LMF2: variants seen among roughly 807,000 people sequenced by gnomAD.
LMF2 encodes lipase maturation factor 2, also known as transmembrane protein 112B.
Under a neutral mutation model 81.5 loss-of-function variants are expected in LMF2, and 113 were observed. That is an observed-to-expected ratio of 1.39 (90% CI 1.19 to 1.62). The LOEUF (loss-of-function observed/expected upper bound fraction) is 1.62. Ranked by LOEUF, LMF2 falls within the 40% of genes most tolerant of loss-of-function variation. LMF2 has a pLI of 0.00. For missense variants in LMF2, 1,235 were observed against 929.1 expected, an observed-to-expected ratio of 1.33 and a Z score of -4.28; for synonymous variants, 645 against 424.5, an observed-to-expected ratio of 1.52 and a Z score of -6.39.
Position 50,504,576 on chromosome 22 carries a change from A to G in LMF2, c.1589T>C (p.Leu530Pro). ...CTCCGCACCTGGCTCCTTGCCCTGC[A>G]GCAGGCGCAAGACCAGGCTTGTGAA... ...PWFTSLVLRL[L>P]QGKEPVIRLV... Residue 530 changes from leucine to proline, a missense_variant, in exon 11 of 14, where the codon CTG (leucine) becomes CCG (proline). Leu to Pro is a moderately conservative substitution (Grantham distance 98). Transcript: ENST00000474879. 1 of 1,576,090 alleles carries G rather than the reference A, an allele frequency of 6.3e-7. No homozygotes were observed. The highest frequency in any genetic ancestry group is 8.6e-7 in the Non-Finnish European group (1 of 1,164,314).
At chr22:50,506,693 C>A (rs374366490) in intron 2 of LMF2, 27 bp from the exon 3 acceptor site, 2 of 1,613,606 alleles carry the variant, frequency 1.2e-6, no homozygotes, top group Admixed American at 1.7e-5. Context: ...TGTCAGGGAG[C>A]GGGTGTGTCT....
In LMF2 at chr22:50,507,046, G is replaced by C. The variant is rs2068603245; in HGVS notation, c.95-11C>G. ...CGGGGCCATACAGGCCTGTGGGAGG[G>C]CATGTCATGGCCAGGCCCTGGACAG... On this transcript the variant is annotated splice_polypyrimidine_tract_variant and intron_variant, in intron 1 of 13. Coordinates refer to ENST00000474879, the MANE Select transcript of LMF2 (RefSeq NM_033200.3). The C allele has an allele frequency of 6.3e-7, 1 of 1,583,072 alleles. No individual in the cohort carries two copies. Among genetic ancestry groups the C allele is most frequent in the African/African-American group, 1.3e-5 (1 of 74,530 alleles).
rs375867379 is a variant in LMF2 at position 50,505,295 on chromosome 22, A to G, written c.1091T>C (p.Leu364Pro). Residue 364 changes from leucine (L) to proline (P), a missense_variant, in exon 8 of 14, where the codon CTG becomes CCG. Transcript: ENST00000474879. ...ACCCAGCCACACAGTGGGCAGCGTC[A>G]GTGTCTTCAGCCACTGAGAAAACTG... ...FHQFSQWLKT[L>P]TLPTVWLGVA... The G allele has an allele frequency of 4.3e-6, 7 of 1,613,176 alleles. No individual in the cohort carries two copies. The highest frequency in any genetic ancestry group is 1.6e-4 in the Middle Eastern group (1 of 6,082).
At position 50,503,567 on chromosome 22, in the gene LMF2, T is replaced by C; in HGVS notation, c.1948A>G (p.Arg650Gly). The change falls in exon 14 of 14, where the codon AGA (arginine) becomes GGA (glycine). Residue 650 changes from arginine to glycine, a missense_variant. Physicochemically the swap from Arg to Gly is moderately radical, Grantham distance 125. Coordinates refer to ENST00000474879, the MANE Select transcript of LMF2 (RefSeq NM_033200.3). ...GGTGCTAGCAGGGCTTGCACAAATC[T>C]GACAGCCCCCACGGCCATGAGGAGC... ...WGLLMAVGAVRFVQALLAPCS... is the reference protein window; with the variant it reads ...WGLLMAVGAVGFVQALLAPCS... The C allele has an allele frequency of 1.3e-6, 2 of 1,542,024 alleles. No individual in the cohort carries two copies. The highest frequency in any genetic ancestry group is 1.7e-6 in the Non-Finnish European group (2 of 1,147,060).
Position 50,506,462 on chromosome 22 carries a change from C to G in LMF2, c.418G>C (p.Val140Leu), listed in dbSNP as rs1488893360. ...LLETGFLAVLVAPLRPASHRK... is the reference protein window; with the variant it reads ...LLETGFLAVLLAPLRPASHRK... ...TGGGAGGCTGGCCTCAGCGGGGCCACCAGCACGGCCAGGAAGCCAGTCTCT... is the reference window on the plus strand; with the variant it reads ...TGGGAGGCTGGCCTCAGCGGGGCCAGCAGCACGGCCAGGAAGCCAGTCTCT... The change falls in exon 4 of 14, where the codon GTG (valine) becomes CTG (leucine). Residue 140 changes from valine to leucine, a missense_variant. By Grantham distance (32) the Val-to-Leu change is conservative. Coordinates refer to ENST00000474879, the MANE Select transcript of LMF2 (RefSeq NM_033200.3). 1 of 1,550,546 alleles carries G rather than the reference C, an allele frequency of 6.4e-7. No individual in the cohort carries two copies. Among genetic ancestry groups the G allele is most frequent in the Non-Finnish European group, 8.7e-7 (1 of 1,148,966 alleles).
intron 11 of LMF2, 52 bp from the exon 12 acceptor site, chr22:50,504,503 C>CAA: frequency 6.7e-7 from 1 of 1,485,566 alleles, no homozygotes; most frequent in Non-Finnish European, 9.1e-7. Context: ...CTGCCCCTCC[C>CAA]CTCCCCACCC....
rs181738739 is a variant in LMF2, at chr22:50,503,359, C to T, written c.*32G>A. On this transcript the variant is annotated 3_prime_UTR_variant, in exon 14 of 14. Coordinates refer to ENST00000474879, the MANE Select transcript of LMF2 (RefSeq NM_033200.3). ...GGCCAGAGCACTCCCGGCGACCTGG[C>T]CCTCTCAGGACGTGCAGCTGGGAGA... The T allele has an allele frequency of 1.5e-3, 2,486 of 1,607,758 alleles. 33 individuals are homozygous for T. In the African/African-American group the frequency reaches 0.025, roughly 16 times the overall value.
At position 50,503,505 on chromosome 22, in the gene LMF2, G is replaced by A. The variant is rs754249521; in HGVS notation, c.2010C>T (p.Ser670=). The A allele has an allele frequency of 7.0e-5, 110 of 1,580,240 alleles. No homozygotes were observed. Among genetic ancestry groups the A allele is most frequent in the African/African-American group, 1.1e-4 (8 of 72,826 alleles). Reference sequence around the variant, plus strand: ...GGGAGGCTGGCCTGCGCTTCTCCCCGCTGACTGGTGCCAGCGGGGAGGACC... The same window carrying A: ...GGGAGGCTGGCCTGCGCTTCTCCCCACTGACTGGTGCCAGCGGGGAGGACC... The part of the protein sequence containing the change: ...SLRSSPLAPV[S]GEKRRPASQK... The change falls in exon 14 of 14, where the codon AGC becomes AGT. Residue 670 remains serine (S), a synonymous_variant. Coordinates refer to ENST00000474879, the MANE Select transcript of LMF2 (RefSeq NM_033200.3).
At position 50,503,815 on chromosome 22, in the gene LMF2, C is replaced by A; in HGVS notation, c.1808G>T (p.Gly603Val). 6.2e-7 allele frequency: 1 copy of A among 1,605,432 alleles called. No homozygotes were observed. The highest frequency in any genetic ancestry group is 1.3e-5 in the African/African-American group (1 of 74,930). Residue 603 changes from glycine (G) to valine (V), a missense_variant, in exon 13 of 14, where the codon GGA (glycine) becomes GTA (valine). Gly to Val is a moderately radical substitution (Grantham distance 109, BLOSUM62 -3). Coordinates refer to ENST00000474879, the MANE Select transcript of LMF2 (RefSeq NM_033200.3). ...PTLETLLRQF[G>V]LQEKSPPRTR... ...TGGCTGACACCCCCTTACCTGTAGTCCAAACTGCCTGAGCAGCGTCTCCAG... is the reference window on the plus strand; with the variant it reads ...TGGCTGACACCCCCTTACCTGTAGTACAAACTGCCTGAGCAGCGTCTCCAG...
chr22:50,503,438 G>A lies in LMF2; in HGVS notation c.2077C>T (p.Pro693Ser), dbSNP rs1188514469. The A allele has an allele frequency of 3.1e-6, 5 of 1,607,428 alleles. No individual in the cohort carries two copies. In the South Asian group the frequency reaches 3.3e-5, roughly 11 times the overall value. ...CTCGAACTACTGGAGCAGGGGTTGGGGGCTGCGGTGGCCTGTTCGGAGGCA... is the reference window on the plus strand; with the variant it reads ...CTCGAACTACTGGAGCAGGGGTTGGAGGCTGCGGTGGCCTGTTCGGAGGCA... Reference protein sequence around the residue: ...GAASEQATAAPNPCSSSSRTT... With the variant: ...GAASEQATAASNPCSSSSRTT... The change falls in exon 14 of 14, where the codon CCC becomes TCC. Residue 693 changes from proline to serine, a missense_variant. Pro to Ser is a moderately conservative substitution (Grantham distance 74, BLOSUM62 -1). Transcript: ENST00000474879.
At chr22:50,507,374 G>C (rs1436709742) in intron 1 of LMF2, 7 of 616,370 alleles carry the variant, frequency 1.1e-5, no homozygotes, top group Non-Finnish European at 1.2e-5. Context: ...CCCACCCCAG[G>C]TCAGAGTCCA....
Position 50,503,222 on chromosome 22 carries a change from G to A in LMF2, c.*169C>T. 1 of 616,944 alleles carries A rather than the reference G, an allele frequency of 1.6e-6. No homozygotes were observed. The highest frequency in any genetic ancestry group is 2.7e-6 in the Non-Finnish European group (1 of 372,470). 38.2% of individuals were successfully genotyped at this position (616,944 alleles called of 1,614,324 possible). On this transcript the variant is annotated 3_prime_UTR_variant, in exon 14 of 14. Transcript: ENST00000474879. ...GAGGGGCATGGCTGGCGTGGGGGTG[G>A]GGCCTGGAGCCCTCAATGCAGCACC...
chr22:50,507,181 C>G (rs1259764954), intron 1 of LMF2, 146 bp from the exon 2 acceptor site: 1 of 1,347,722 alleles, frequency 7.4e-7, no homozygotes, highest in Non-Finnish European at 9.8e-7. Context: ...CCTCCAGAGC[C>G]CGTCCCCCAG....
rs1237693961 is a variant in LMF2, at chr22:50,504,407, T to C, written c.1651A>G (p.Lys551Glu). 2 of 1,612,334 alleles carry C rather than the reference T, an allele frequency of 1.2e-6. No homozygotes were observed. Among genetic ancestry groups the C allele is most frequent in the Admixed American group, 1.7e-5 (1 of 59,972 alleles). The change falls in exon 12 of 14, where the codon AAG (lysine) becomes GAG (glutamate). Residue 551 changes from lysine to glutamate, a missense_variant. Coordinates refer to ENST00000474879, the MANE Select transcript of LMF2 (RefSeq NM_033200.3). ...GCTCGGACGTAGGTGGGCGGCTGCT[T>C]GTGGAAGGGATACCTGGCCACTTGG... ...QSQVARYPFHKQPPTYVRAQR... is the reference protein window; with the variant it reads ...QSQVARYPFHEQPPTYVRAQR...
rs758456806 is a variant in LMF2, at chr22:50,506,669, G to A, written c.349-3C>T. The A allele has an allele frequency of 2.0e-5, 33 of 1,613,552 alleles. No individual in the cohort carries two copies. In the East Asian group the frequency reaches 6.7e-4, roughly 33 times the overall value. On this transcript the variant is annotated splice_polypyrimidine_tract_variant and splice_region_variant and intron_variant, in intron 2 of 13. Coordinates refer to ENST00000474879, the MANE Select transcript of LMF2 (RefSeq NM_033200.3). ...AAATAAAGGAACACCTGGCCCACCT[G>A]CGGAGAGAGGGGCTGTCAGGGAGCG...
At chr22:50,507,313 C>T (rs2068614962) in intron 1 of LMF2, 4 of 608,582 alleles carry the variant, frequency 6.6e-6, no homozygotes, top group Non-Finnish European at 8.7e-6. Context: ...CCTACCTGTC[C>T]CACCAGGTCT....
chr22:50,504,893 G>T lies in LMF2; in HGVS notation c.1346C>A (p.Ala449Asp). 1 of 1,609,844 alleles carries T rather than the reference G, an allele frequency of 6.2e-7. No individual in the cohort carries two copies. Among genetic ancestry groups the T allele is most frequent in the Non-Finnish European group, 8.5e-7 (1 of 1,178,518 alleles). Residue 449 changes from alanine (A) to aspartate (D), a missense_variant, in exon 10 of 14, where the codon GCC becomes GAC. Physicochemically the swap from Ala to Asp is moderately radical, Grantham distance 126. Transcript: ENST00000474879. ...GCGGCGGAAGAGGCCGTAGGAGTTG[G>T]CCAGCTGTAGGTGCTCCACGGCACC... ...LFGAVEHLQL[A>D]NSYGLFRRMT...
At position 50,506,425 on chromosome 22, in the gene LMF2, G is replaced by T; in HGVS notation, c.455C>A (p.Ala152Asp). 6.5e-7 allele frequency: 1 copy of T among 1,550,200 alleles called. No individual in the cohort carries two copies. Among genetic ancestry groups the T allele is most frequent in the Non-Finnish European group, 8.7e-7 (1 of 1,147,940 alleles). The change falls in exon 4 of 14, where the codon GCC becomes GAC. Residue 152 changes from alanine to aspartate, a missense_variant. By Grantham distance (126) the Ala-to-Asp change is moderately radical. Coordinates refer to ENST00000474879, the MANE Select transcript of LMF2 (RefSeq NM_033200.3). The part of the protein sequence containing the change: ...PLRPASHRKE[A>D]PQGRQAGALP... Reference sequence around the variant, plus strand: ...GGCCCCTGCCTGCCTGCCCTGGGGGGCCTCCTTGCGGTGGGAGGCTGGCCT... The same window carrying T: ...GGCCCCTGCCTGCCTGCCCTGGGGGTCCTCCTTGCGGTGGGAGGCTGGCCT...
Position 50,506,778 on chromosome 22 carries a change from T to C in LMF2, c.348+4A>G. The C allele has an allele frequency of 6.2e-7, 1 of 1,612,910 alleles. No individual in the cohort carries two copies. Among genetic ancestry groups the C allele is most frequent in the Non-Finnish European group, 8.5e-7 (1 of 1,179,580 alleles). ...AGAGTGAGCTGGTCACAGGTCCCAC[T>C]TGCCTGGCAGGCTGACAGGTAGGCG... On this transcript the variant is annotated splice_donor_region_variant and intron_variant, in intron 2 of 13. Coordinates refer to ENST00000474879, the MANE Select transcript of LMF2 (RefSeq NM_033200.3).
Sources: gnomAD v4.1 joint callset for allele counts on GRCh38, gnomAD v4.1.1 for gene constraint, MANE v1.5 for transcripts, NCBI Gene and HGNC (gene_info 2026-07-23, HGNC 2026-07-21) for gene names.